The following ZNF385D variants were observed in gnomAD, a reference collection of about 807,000 sequenced individuals.
ZNF385D encodes the protein zinc finger protein 659.
Under a neutral mutation model 35.8 loss-of-function variants are expected in ZNF385D, and 15 were observed. The ratio of observed to expected loss-of-function variants is 0.42; its 90% CI spans 0.28 to 0.64. The LOEUF (loss-of-function observed/expected upper bound fraction) is 0.64. Among genes scored for constraint, ZNF385D ranks in the 30% least tolerant of loss-of-function variants. ZNF385D has a pLI of 0.23. For synonymous variants in ZNF385D, 212 were observed against 186.8 expected (o/e 1.13, Z -1.10); for missense variants, 474 against 494.6 (o/e 0.96, Z 0.39).
At chr3:21,425,931 C>T (rs1448577338) in intron 5 of ZNF385D, among the ~76,000 whole-genome samples, 4 of 151,944 alleles carry the variant, frequency 2.6e-5, no homozygotes, top group Admixed American at 6.6e-5. Context: ...TCTAATGCTC[C>T]GCATTACAAA....
chr3:21,971,571 G>A (rs1703259591), intron 3 of ZNF385D, among the ~76,000 whole-genome samples: 1 of 149,898 alleles, frequency 6.7e-6, no homozygotes, highest in African/African-American at 2.4e-5. Flanking sequence ...AGGAAGAGAT[G>A]GCCAAAAAAA....
chr3:22,187,452 CTT>C lies in ZNF385D; in HGVS notation c.107-18419_107-18418del, dbSNP rs543226977. ...AAATATGAAAACTTTCCTATGGTGA[CTT>C]TTTTTCTCTCCCTCTCACCCTATAC... On this transcript the variant is annotated intron_variant, in intron 2 of 5. Transcript: ENST00000494108. 3.2e-3 allele frequency among the ~76,000 whole-genome samples: 482 copies of C among 152,098 alleles called. 3 individuals carry two copies. The highest frequency in any genetic ancestry group is 0.011 in the African/African-American group (436 of 41,506).
intron 3 of ZNF385D, among the ~76,000 whole-genome samples, chr3:22,019,807 G>A (rs1441138926): frequency 6.6e-6 from 1 of 151,738 alleles, no homozygotes; most frequent in Non-Finnish European, 1.5e-5. Context: ...GCCCTTATTT[G>A]AAAATTATTG....
At chr3:21,483,454 A>G (rs1304736633) in intron 4 of ZNF385D, among the ~76,000 whole-genome samples, 1 of 152,198 alleles carries the variant, frequency 6.6e-6, no homozygotes, top group Non-Finnish European at 1.5e-5. Context: ...TGGAGTAAAT[A>G]CCCAGCAGTA....
At position 22,136,616 on chromosome 3, in the gene ZNF385D, C is replaced by A. The variant is rs1303783159; in HGVS notation, c.325+32201G>T. Among the ~76,000 whole-genome samples, 5 of 152,114 alleles carry A rather than the reference C, an allele frequency of 3.3e-5. No individual in the cohort carries two copies. In the South Asian group the frequency reaches 1.0e-3, roughly 32 times the overall value. On this transcript the variant is annotated intron_variant, in intron 3 of 5. Coordinates refer to the ZNF385D transcript ENST00000494108. ...AAAAAGAGTTAAACAGACATTTGAT[C>A]AAAAAAGATATGTAGATAACAAACA...
chr3:22,270,588 A>G (rs1701121664), intron 2 of ZNF385D, among the ~76,000 whole-genome samples: 1 of 152,142 alleles, frequency 6.6e-6, no homozygotes, highest in Non-Finnish European at 1.5e-5. Flanking sequence ...CCTAGATACA[A>G]TAAAATTTAA....
rs78916709 is a variant in ZNF385D at position 22,116,081 on chromosome 3, A to G, written c.325+52736T>C. Among the ~76,000 whole-genome samples the G allele has an allele frequency of 4.9e-4, 75 of 152,184 alleles. No individual in the cohort carries two copies. The East Asian group carries it at 0.01, about 21-fold the overall frequency. ...AAAGTTCAAGCTTTGGAAACTATCAATATTTACACATAAGTATGATTTTAA... is the reference window on the plus strand; with the variant it reads ...AAAGTTCAAGCTTTGGAAACTATCAGTATTTACACATAAGTATGATTTTAA... On this transcript the variant is annotated intron_variant, in intron 3 of 5. Transcript: ENST00000494108.
At chr3:21,911,319 G>C (rs1191400447) in intron 3 of ZNF385D, among the ~76,000 whole-genome samples, 1 of 151,904 alleles carries the variant, frequency 6.6e-6, no homozygotes, top group Non-Finnish European at 1.5e-5. Flanking sequence ...TTATTAATAA[G>C]ATTCTAAATG....
chr3:21,796,922 G>A (rs929923733), intron 3 of ZNF385D, among the ~76,000 whole-genome samples: 11 of 152,156 alleles, frequency 7.2e-5, no homozygotes, highest in South Asian at 2.1e-4. Context: ...CTCCTGCTTC[G>A]GGATCCTTCC....
chr3:21,963,685 T>C (rs1191877444), intron 3 of ZNF385D, among the ~76,000 whole-genome samples: 2 of 152,210 alleles, frequency 1.3e-5, no homozygotes, highest in Admixed American at 6.5e-5. Context: ...CTCTTTATAT[T>C]ACAGACCTCT....
intron 3 of ZNF385D, among the ~76,000 whole-genome samples, chr3:21,895,446 C>G (rs930037435): frequency 6.0e-5 from 9 of 150,374 alleles, no homozygotes; most frequent in Non-Finnish European, 1.0e-4. Flanking sequence ...CCTGCCTCAG[C>G]CTCCTGAGAA....
rs1179714140 is a variant in ZNF385D at position 22,008,976 on chromosome 3, T to C, written c.325+159841A>G. 2.6e-5 allele frequency among the ~76,000 whole-genome samples: 4 copies of C among 151,930 alleles called. No individual in the cohort carries two copies. The East Asian group carries it at 7.7e-4, about 29-fold the overall frequency. On this transcript the variant is annotated intron_variant, in intron 3 of 5. Transcript: ENST00000494108. ...CAAAAGAATATGGAAGGAAGAAAAT[T>C]ATAAAACAAAACAACAGGAATCAAA...
intron 2 of ZNF385D, among the ~76,000 whole-genome samples, chr3:22,231,698 A>T (rs769376671): frequency 5.3e-5 from 8 of 152,000 alleles, no homozygotes; most frequent in Non-Finnish European, 1.2e-4. Context: ...ATGGGTCCCA[A>T]TCCTGGGGCA....
At chr3:21,829,313 A>T (rs1031765775) in intron 3 of ZNF385D, among the ~76,000 whole-genome samples, 2 of 152,142 alleles carry the variant, frequency 1.3e-5, no homozygotes, top group African/African-American at 4.8e-5. Flanking sequence ...GAGATATGAG[A>T]CTTGAGATCC....
At chr3:21,790,623 C>T (rs1376397368) in intron 3 of ZNF385D, among the ~76,000 whole-genome samples, 2 of 152,100 alleles carry the variant, frequency 1.3e-5, no homozygotes, top group African/African-American at 4.8e-5. Flanking sequence ...GGAGGGTGAG[C>T]ATCTGGGTAT....
intron 4 of ZNF385D, among the ~76,000 whole-genome samples, chr3:21,440,164 A>G (rs898126192): frequency 2.8e-4 from 43 of 152,222 alleles, no homozygotes; most frequent in African/African-American, 8.9e-4. Flanking sequence ...CATCTGTTCT[A>G]TACAATGCAT....
intron 3 of ZNF385D, among the ~76,000 whole-genome samples, chr3:21,772,826 C>A (rs2071132247): frequency 2.0e-5 from 3 of 151,864 alleles, no homozygotes; most frequent in African/African-American, 7.3e-5. Context: ...TGACAGATGA[C>A]CGGATAACCA....
At chr3:21,451,177 AT>A (rs1702434700) in intron 4 of ZNF385D, among the ~76,000 whole-genome samples, 1 of 152,042 alleles carries the variant, frequency 6.6e-6, no homozygotes, top group Non-Finnish European at 1.5e-5. Context: ...AATCAATACG[AT>A]TTTGATGAAA....
intron 2 of ZNF385D, among the ~76,000 whole-genome samples, chr3:22,237,754 C>A (rs943709658): frequency 9.2e-5 from 14 of 152,250 alleles, no homozygotes; most frequent in African/African-American, 3.4e-4. Context: ...AGCGATTCTC[C>A]TGCCTCAGCC....
Sources: gnomAD v4.1 joint callset for allele counts (sites outside exome capture counted in the v4.1 genomes callset) on GRCh38, gnomAD v4.1.1 for gene constraint, MANE v1.5 for transcripts, NCBI Gene and HGNC (gene_info 2026-07-23, HGNC 2026-07-21) for gene names.